Variants in PDE4D observed in about 807,000 individuals in gnomAD.
The protein encoded by PDE4D is phosphodiesterase 4D.
In PDE4D, 24 loss-of-function variants were observed where a neutral mutation model predicts 87.4. The observed-to-expected ratio is 0.27, with a 90% CI of 0.20 to 0.39. The LOEUF (loss-of-function observed/expected upper bound fraction) is 0.39, where lower values mean the gene tolerates loss of function less well. Ranked by LOEUF, PDE4D falls within the 10% of genes least tolerant of loss-of-function variation. PDE4D has a pLI of 1.00. For missense variants in PDE4D, 714 were observed against 1,041.0 expected (o/e 0.69, Z 4.32); for synonymous variants, 384 against 383.2 (o/e 1.00, Z -0.02).
intron 1 of PDE4D, chr5:60,188,198 G>C: frequency 1.3e-5 from 2 of 152,292 alleles, no homozygotes; most frequent in East Asian, 3.9e-4. Flanking sequence ...TAAACAGACA[G>C]CATACTTTTA....
At chr5:59,922,442 C>T (rs1253709639) in intron 3 of PDE4D, among the ~76,000 whole-genome samples, 1 of 152,120 alleles carries the variant, frequency 6.6e-6, no homozygotes, top group Non-Finnish European at 1.5e-5. Flanking sequence ...GCAGGTGAGA[C>T]TCCTTCCCTC....
At chr5:59,925,285 TA>T (rs1755139377) in intron 3 of PDE4D, among the ~76,000 whole-genome samples, 1 of 152,216 alleles carries the variant, frequency 6.6e-6, no homozygotes, top group Non-Finnish European at 1.5e-5. Flanking sequence ...CAATCAGTTT[TA>T]ATTTGTCGTC....
intron 5 of PDE4D, among the ~76,000 whole-genome samples, chr5:59,151,298 A>C (rs1159726652): frequency 6.6e-6 from 1 of 152,134 alleles, no homozygotes; most frequent in Non-Finnish European, 1.5e-5. Context: ...CTTTGATTCA[A>C]GGAAATGAAT....
At chr5:59,566,426 C>G (rs1248616898) in intron 1 of PDE4D, among the ~76,000 whole-genome samples, 1 of 152,082 alleles carries the variant, frequency 6.6e-6, no homozygotes, top group African/African-American at 2.4e-5. Context: ...AACTACTCAT[C>G]CTCAGAGAAG....
intron 1 of PDE4D, among the ~76,000 whole-genome samples, chr5:59,485,561 A>C (rs914523955): frequency 5.9e-5 from 9 of 151,932 alleles, no homozygotes; most frequent in African/African-American, 2.2e-4. Flanking sequence ...TACCAAACTT[A>C]GCAGTTACAT....
intron 2 of PDE4D, among the ~76,000 whole-genome samples, chr5:60,104,861 G>A (rs1256596028): frequency 1.3e-5 from 2 of 152,178 alleles, no homozygotes; most frequent in African/African-American, 4.8e-5. Context: ...AAACCCATCT[G>A]TACATCACCA....
intron 1 of PDE4D, among the ~76,000 whole-genome samples, chr5:59,382,535 G>A (rs1364366107): frequency 6.6e-6 from 1 of 152,088 alleles, no homozygotes; most frequent in Non-Finnish European, 1.5e-5. Context: ...ATCACTCTCT[G>A]TAAATAATGC....
chr5:59,706,498 G>A (rs1010967679), intron 1 of PDE4D, among the ~76,000 whole-genome samples: 1 of 152,122 alleles, frequency 6.6e-6, no homozygotes, highest in African/African-American at 2.4e-5. Flanking sequence ...AAACAAATCT[G>A]ACATTCTGTG....
chr5:59,559,596 G>A (rs1309628228), intron 1 of PDE4D, among the ~76,000 whole-genome samples: 1 of 152,088 alleles, frequency 6.6e-6, no homozygotes, highest in Admixed American at 6.6e-5. Flanking sequence ...TTCCTGATGT[G>A]AAAACTTTTC....
intron 3 of PDE4D, among the ~76,000 whole-genome samples, chr5:59,925,756 T>C (rs1755186955): frequency 1.3e-5 from 2 of 152,086 alleles, no homozygotes; most frequent in African/African-American, 2.4e-5. Flanking sequence ...ACAAAAACTA[T>C]AAAAAGAGAC....
At chr5:60,515,473 T>C (rs1000958506) in intron 1 of PDE4D, among the ~76,000 whole-genome samples, 4 of 152,158 alleles carry the variant, frequency 2.6e-5, no homozygotes, top group Admixed American at 2.6e-4. Flanking sequence ...TTATAAGTTA[T>C]TAGAGTGGTT....
intron 5 of PDE4D, chr5:59,180,358 CAT>C (rs1196032851): frequency 4.4e-6 from 3 of 687,482 alleles, no homozygotes; most frequent in Non-Finnish European, 8.1e-6. Flanking sequence ...AGTATAAGCA[CAT>C]AGTTAAATGG....
At position 59,891,412 on chromosome 5, in the gene PDE4D, G is replaced by C. The variant is rs559773307; in HGVS notation, c.455+1756C>G. Among the ~76,000 whole-genome samples, 7 of 152,190 alleles carry C rather than the reference G, an allele frequency of 4.6e-5. No homozygotes were observed. The East Asian group carries it at 1.2e-3, about 25-fold the overall frequency. On this transcript the variant is annotated intron_variant, in intron 1 of 14. Coordinates refer to ENST00000340635, the MANE Select transcript of PDE4D (RefSeq NM_001104631.2). ...ATCACACGGTATTTTTCTATTAATA[G>C]GTCAAATATACAAAGTATCAGGCTT...
At position 59,090,468 on chromosome 5, in the gene PDE4D, C is replaced by T. The variant is rs571903274; in HGVS notation, c.809-51497G>A. On this transcript the variant is annotated intron_variant, in intron 5 of 14. Transcript: ENST00000340635. ...TGATTCACTTGTCTCCTCTCTATTT[C>T]GAAAAGATGCTCTGAAGATTAGTGA... Among the ~76,000 whole-genome samples, 7 of 152,212 alleles carry T rather than the reference C, an allele frequency of 4.6e-5. No homozygotes were observed. The East Asian group carries it at 9.7e-4, about 21-fold the overall frequency.
In PDE4D at chr5:58,971,211, AC is replaced by A. The variant is rs1415704081; in HGVS notation, c.*3452del. 1.3e-5 allele frequency: 2 copies of A among 152,302 alleles called. No individual in the cohort carries two copies. Among genetic ancestry groups the A allele is most frequent in the African/African-American group, 4.8e-5 (2 of 41,452 alleles). 9.4% of individuals were successfully genotyped at this position (152,302 alleles called of 1,614,324 possible). On this transcript the variant is annotated 3_prime_UTR_variant, in exon 15 of 15. Transcript: ENST00000340635. ...GTTAAAGTTAAGGCACAGCCCTGGG[AC>A]CAAAGACCTGCAGCTATGTTTTTTT...
chr5:59,806,960 G>A (rs1196158412), intron 1 of PDE4D, among the ~76,000 whole-genome samples: 2 of 152,036 alleles, frequency 1.3e-5, no homozygotes, highest in Non-Finnish European at 2.9e-5. Context: ...ATTTTTCTTG[G>A]TTTTATTTTA....
At chr5:59,509,359 TA>T (rs1238788929) in intron 1 of PDE4D, among the ~76,000 whole-genome samples, 2 of 150,782 alleles carry the variant, frequency 1.3e-5, no homozygotes, top group African/African-American at 4.9e-5. Flanking sequence ...AATTCCCTAC[TA>T]TTGGAGAGTC....
intron 1 of PDE4D, among the ~76,000 whole-genome samples, chr5:59,321,052 G>A (rs1774644465): frequency 1.3e-5 from 2 of 151,936 alleles, no homozygotes; most frequent in Admixed American, 1.3e-4. Context: ...ACTTAACACT[G>A]GGATGAAACA....
intron 1 of PDE4D, among the ~76,000 whole-genome samples, chr5:59,404,903 T>C (rs970455085): frequency 1.3e-5 from 2 of 152,112 alleles, no homozygotes; most frequent in African/African-American, 2.4e-5. Context: ...CTTGGCACCT[T>C]TGTCAAAAAT....
Sources: allele counts gnomAD v4.1 joint callset (sites outside exome capture counted in the v4.1 genomes callset), GRCh38; gene constraint gnomAD v4.1.1; transcripts MANE v1.5; gene names NCBI Gene and HGNC (gene_info 2026-07-23, HGNC 2026-07-21).